Variants in LRBA observed in about 807,000 individuals in gnomAD.
The protein encoded by LRBA is LPS responsive beige-like anchor protein.
Under a neutral mutation model 330.0 loss-of-function variants are expected in LRBA, and 176 were observed. The observed-to-expected ratio is 0.53, with a 90% CI of 0.47 to 0.60. The LOEUF (loss-of-function observed/expected upper bound fraction) is 0.60, where lower values mean the gene tolerates loss of function less well. Among genes scored for constraint, LRBA ranks in the 20% least tolerant of loss-of-function variants. The probability of loss-of-function intolerance (pLI) is 0.00; values close to 1 mark genes in which losing one functional copy is unlikely to be tolerated. For missense variants in LRBA, 3,259 were observed against 3,444.8 expected, an observed-to-expected ratio of 0.95 and a Z score of 1.35; for synonymous variants, 1,230 against 1,193.0, an observed-to-expected ratio of 1.03 and a Z score of -0.64.
intron 34 of LRBA, among the ~76,000 whole-genome samples, chr4:150,775,483 AC>A (rs1244640475): frequency 0.071 from 10,772 of 150,822 alleles, 728 homozygotes; most frequent in African/African-American, 0.16. Flanking sequence ...ACACACACAC[AC>A]ACACACACAC....
chr4:150,983,932 T>G (rs1015951844), intron 2 of LRBA, among the ~76,000 whole-genome samples: 10 of 152,160 alleles, frequency 6.6e-5, no homozygotes, highest in African/African-American at 9.7e-5. Context: ...ATGCATTCAT[T>G]TATTCATTTA....
intron 17 of LRBA, among the ~76,000 whole-genome samples, chr4:150,876,379 T>C (rs1278294138): frequency 1.3e-5 from 2 of 151,974 alleles, no homozygotes; most frequent in African/African-American, 4.8e-5. Flanking sequence ...CAAGATACCA[T>C]ACAAAATGAA....
At position 150,307,973 on chromosome 4, in the gene LRBA, A is replaced by T. The variant is rs1018948981; in HGVS notation, c.7849+2256T>A. On this transcript the variant is annotated intron_variant, in intron 52 of 56. Coordinates refer to ENST00000651943, the MANE Select transcript of LRBA (RefSeq NM_001364905.1). ...AACAATAAAGATTAAAAAGATGTTC[A>T]AGAACAAACTCCTTGAATAACCAAA... is the stretch of plus-strand genomic sequence containing the variant. Among the ~76,000 whole-genome samples the T allele has an allele frequency of 6.6e-5, 10 of 152,350 alleles. No individual in the cohort carries two copies. The South Asian group carries it at 1.7e-3, about 25-fold the overall frequency.
intron 39 of LRBA, among the ~76,000 whole-genome samples, chr4:150,590,065 T>C (rs1772614316): frequency 1.3e-5 from 2 of 152,208 alleles, no homozygotes; most frequent in South Asian, 4.1e-4. Flanking sequence ...ATTGAAATTA[T>C]AGAACCTTTC....
chr4:150,606,701 T>C (rs541584061), intron 37 of LRBA, among the ~76,000 whole-genome samples: 7 of 152,198 alleles, frequency 4.6e-5, no homozygotes, highest in Non-Finnish European at 8.8e-5. Flanking sequence ...AAATAATAAG[T>C]CTGATGACGT....
chr4:150,906,384 G>C lies in LRBA; in HGVS notation c.1515C>G (p.Ile505Met). ...CAATTGAGTTCTTCAACAATTCCAT[G>C]ATAAAGGCCAGCAAGGTTGAACTAG... ...LTICSTLLAF[I>M]MELLKNSIAM... The change falls in exon 12 of 57, where the codon ATC becomes ATG. Residue 505 changes from isoleucine to methionine, a missense_variant. By Grantham distance (10) the Ile-to-Met change is conservative. Coordinates refer to ENST00000651943, the MANE Select transcript of LRBA (RefSeq NM_001364905.1). 1.2e-6 allele frequency: 2 copies of C among 1,607,420 alleles called. No individual in the cohort carries two copies. The highest frequency in any genetic ancestry group is 1.7e-6 in the Non-Finnish European group (2 of 1,174,808).
At position 150,908,843 on chromosome 4, in the gene LRBA, G is replaced by C. The variant is rs1303625024; in HGVS notation, c.1176C>G (p.Phe392Leu). The C allele has an allele frequency of 6.2e-7, 1 of 1,610,544 alleles. No individual in the cohort carries two copies. The highest frequency in any genetic ancestry group is 8.5e-7 in the Non-Finnish European group (1 of 1,177,504). The stretch of plus-strand genomic sequence containing the variant: ...CAAGGAAAAGGTCGCTTTCTGCTTT[G>C]AATTTAAATGTACCCTAAGAATTAA... ...LGLGYKGTFK[F>L]KAESDLFLAE... Residue 392 changes from phenylalanine to leucine, a missense_variant, in exon 10 of 57, where the codon TTC becomes TTG. Phe to Leu is a conservative substitution (Grantham distance 22, BLOSUM62 0). Coordinates refer to ENST00000651943, the MANE Select transcript of LRBA (RefSeq NM_001364905.1).
At chr4:150,375,469 T>C (rs1741125661) in intron 47 of LRBA, among the ~76,000 whole-genome samples, 1 of 152,004 alleles carries the variant, frequency 6.6e-6, no homozygotes, top group Non-Finnish European at 1.5e-5. Flanking sequence ...TACTTTTTTT[T>C]TGTTTTGAGA....
intron 44 of LRBA, among the ~76,000 whole-genome samples, chr4:150,463,841 C>A (rs1011436546): frequency 6.6e-6 from 1 of 151,664 alleles, no homozygotes; most frequent in African/African-American, 2.4e-5. Flanking sequence ...ATAAAAATGT[C>A]CTGGAGGCTT....
rs900783483 is a variant in LRBA at position 150,352,924 on chromosome 4, T to C, written c.7195-2765A>G. On this transcript the variant is annotated intron_variant, in intron 47 of 56. Transcript: ENST00000651943. ...GCATGACAAACATTAAACCATACAC[T>C]TAAATGGCAATTTATATCATTTAAA... 2.6e-5 allele frequency among the ~76,000 whole-genome samples: 4 copies of C among 152,322 alleles called. No individual in the cohort carries two copies. In the East Asian group the frequency reaches 7.7e-4, roughly 29 times the overall value.
At chr4:150,642,087 G>A (rs1272216286) in intron 37 of LRBA, among the ~76,000 whole-genome samples, 5 of 151,898 alleles carry the variant, frequency 3.3e-5, no homozygotes, top group Non-Finnish European at 1.5e-5. Context: ...ACAAAAAATT[G>A]AAATTGCTTT....
chr4:150,991,756 T>C (rs1391992685), intron 2 of LRBA, among the ~76,000 whole-genome samples: 5 of 151,304 alleles, frequency 3.3e-5, no homozygotes, highest in Non-Finnish European at 7.4e-5. Context: ...TATGACCGTA[T>C]ACATCAATCT....
chr4:150,746,956 C>G (rs1031621211), intron 35 of LRBA, among the ~76,000 whole-genome samples: 2 of 152,144 alleles, frequency 1.3e-5, no homozygotes, highest in African/African-American at 4.8e-5. Context: ...TCACTGGGAT[C>G]ATCTTTCTAA....
intron 37 of LRBA, among the ~76,000 whole-genome samples, chr4:150,653,877 T>C (rs1422344574): frequency 2.0e-5 from 3 of 152,156 alleles, no homozygotes; most frequent in Non-Finnish European, 4.4e-5. Flanking sequence ...TTTTCATAAA[T>C]ACATTGAAAG....
At chr4:150,724,550 T>C (rs1007014648) in intron 36 of LRBA, among the ~76,000 whole-genome samples, 1 of 151,922 alleles carries the variant, frequency 6.6e-6, no homozygotes, top group Non-Finnish European at 1.5e-5. Flanking sequence ...ATAAACATCA[T>C]CCATGAAAAC....
At chr4:150,382,712 A>G (rs1031836460) in intron 47 of LRBA, among the ~76,000 whole-genome samples, 1 of 152,170 alleles carries the variant, frequency 6.6e-6, no homozygotes, top group African/African-American at 2.4e-5. Flanking sequence ...AACTAAACCA[A>G]TAGTTTCTAA....
intron 40 of LRBA, among the ~76,000 whole-genome samples, chr4:150,524,588 T>G (rs1289635561): frequency 6.6e-6 from 1 of 152,184 alleles, no homozygotes; most frequent in African/African-American, 2.4e-5. Flanking sequence ...CTTTGCTTCT[T>G]AAACTTTATT....
At chr4:150,949,050 T>G (rs1342652218) in intron 2 of LRBA, among the ~76,000 whole-genome samples, 1 of 151,176 alleles carries the variant, frequency 6.6e-6, no homozygotes, top group Non-Finnish European at 1.5e-5. Flanking sequence ...AAAAAAAAAC[T>G]AAATATGCAC....
intron 55 of LRBA, among the ~76,000 whole-genome samples, 198 bp downstream of exon 55, chr4:150,282,252 G>C (rs577298950): frequency 1.3e-5 from 2 of 152,330 alleles, no homozygotes; most frequent in South Asian, 4.1e-4. Context: ...GAGTGACGTG[G>C]TCAGCACAGC....
Sources: gnomAD v4.1 joint callset for allele counts (sites outside exome capture counted in the v4.1 genomes callset) on GRCh38, gnomAD v4.1.1 for gene constraint, MANE v1.5 for transcripts, NCBI Gene and HGNC (gene_info 2026-07-23, HGNC 2026-07-21) for gene names.